KIAA1328: variants seen among roughly 807,000 people sequenced by gnomAD.
KIAA1328 encodes the protein protein hinderin.
A neutral mutation model predicts 68.1 loss-of-function variants in KIAA1328; 52 were observed. That is an observed-to-expected ratio of 0.76 (90% CI 0.61 to 0.96). The LOEUF is 0.96. KIAA1328 is among the 40% of genes least tolerant of loss of function. KIAA1328 has a pLI of 0.00. For synonymous variants in KIAA1328, 232 were observed against 239.4 expected (o/e 0.97, Z 0.28); for missense variants, 641 against 677.6 (o/e 0.95, Z 0.60).
intron 5 of KIAA1328, chr18:36,923,923 G>T (rs1350067873): frequency 6.6e-6 from 1 of 152,204 alleles, no homozygotes. Flanking sequence ...TTTGATGAGA[G>T]TGTAGGTTGC....
chr18:37,076,944 A>G (rs2056760563), intron 7 of KIAA1328, among the ~76,000 whole-genome samples: 2 of 152,300 alleles, frequency 1.3e-5, no homozygotes, highest in African/African-American at 4.8e-5. Flanking sequence ...AAACTATTCC[A>G]ATCAATAGAA....
intron 7 of KIAA1328, among the ~76,000 whole-genome samples, chr18:37,146,095 T>G (rs940571695): frequency 6.6e-5 from 10 of 152,044 alleles, no homozygotes; most frequent in Non-Finnish European, 1.5e-4. Context: ...TTTTTTTCGG[T>G]TTTTAAACTT....
intron 6 of KIAA1328, among the ~76,000 whole-genome samples, chr18:37,060,162 A>T (rs541328377): frequency 1.3e-5 from 2 of 152,242 alleles, no homozygotes; most frequent in African/African-American, 2.4e-5. Context: ...TATAATAATA[A>T]TAATAATAAT....
chr18:37,034,021 G>T (rs2054932895), intron 6 of KIAA1328, among the ~76,000 whole-genome samples: 1 of 151,928 alleles, frequency 6.6e-6, no homozygotes, highest in African/African-American at 2.4e-5. Flanking sequence ...TTTTCTCCTG[G>T]GTAGATAAGT....
chr18:37,202,451 T>C (rs1185619839), intron 9 of KIAA1328, among the ~76,000 whole-genome samples: 1 of 152,204 alleles, frequency 6.6e-6, no homozygotes, highest in Non-Finnish European at 1.5e-5. Flanking sequence ...CACAAACTTG[T>C]ATTCAAGAGT....
intron 7 of KIAA1328, among the ~76,000 whole-genome samples, chr18:37,135,761 C>T (rs571768180): frequency 3.5e-4 from 54 of 152,146 alleles, no homozygotes; most frequent in African/African-American, 9.6e-4. Flanking sequence ...TTCCCAAGGC[C>T]GATGTCCAGA....
intron 7 of KIAA1328, 145 bp from the exon 8 acceptor site, chr18:37,160,055 A>G (rs570251780): frequency 8.3e-6 from 5 of 603,496 alleles, no homozygotes; most frequent in Non-Finnish European, 1.3e-5. Flanking sequence ...GACGTTGAGT[A>G]AATTATTTAA....
chr18:36,966,492 A>G (rs1206425867), intron 6 of KIAA1328, among the ~76,000 whole-genome samples: 1 of 152,248 alleles, frequency 6.6e-6, no homozygotes, highest in Non-Finnish European at 1.5e-5. Context: ...GAGCTATATT[A>G]GAGTGAATTT....
At chr18:36,856,052 A>G (rs1014741013) in intron 4 of KIAA1328, among the ~76,000 whole-genome samples, 5 of 151,932 alleles carry the variant, frequency 3.3e-5, no homozygotes, top group South Asian at 2.1e-4. Context: ...GGAATTGACT[A>G]TCTTATTGAA....
intron 7 of KIAA1328, among the ~76,000 whole-genome samples, chr18:37,135,099 C>A (rs2058613647): frequency 6.6e-6 from 1 of 151,982 alleles, no homozygotes; most frequent in African/African-American, 2.4e-5. Context: ...TCCAGTATAC[C>A]ACTGATGGGC....
At chr18:37,008,399 T>G (rs1413557617) in intron 6 of KIAA1328, among the ~76,000 whole-genome samples, 1 of 152,230 alleles carries the variant, frequency 6.6e-6, no homozygotes, top group Non-Finnish European at 1.5e-5. Flanking sequence ...CTTGATTTTC[T>G]GCTAAAACAA....
At chr18:37,064,619 T>C (rs1422445760) in intron 6 of KIAA1328, among the ~76,000 whole-genome samples, 1 of 150,072 alleles carries the variant, frequency 6.7e-6, no homozygotes, top group Non-Finnish European at 1.5e-5. Flanking sequence ...CAAGAGACTT[T>C]GCAGATGTGA....
chr18:37,175,834 C>T (rs1030794777), intron 9 of KIAA1328, among the ~76,000 whole-genome samples: 2 of 152,110 alleles, frequency 1.3e-5, no homozygotes, highest in Non-Finnish European at 1.5e-5. Context: ...AAGCTCTTCC[C>T]CTGTCCACCT....
At chr18:36,989,479 A>C (rs1367869902) in intron 6 of KIAA1328, among the ~76,000 whole-genome samples, 1 of 152,158 alleles carries the variant, frequency 6.6e-6, no homozygotes, top group Non-Finnish European at 1.5e-5. Context: ...AGAGGAAGTA[A>C]CAGAAGCTCC....
At chr18:37,114,082 C>A (rs1357908542) in intron 7 of KIAA1328, among the ~76,000 whole-genome samples, 1 of 152,182 alleles carries the variant, frequency 6.6e-6, no homozygotes, top group Non-Finnish European at 1.5e-5. Flanking sequence ...AACCCACTGT[C>A]AACATTAGAC....
chr18:37,097,188 A>C (rs1311211063), intron 7 of KIAA1328, among the ~76,000 whole-genome samples: 2 of 152,194 alleles, frequency 1.3e-5, no homozygotes, highest in African/African-American at 4.8e-5. Context: ...GGTTTCTTCT[A>C]GGGTTCTTCT....
At chr18:37,081,661 A>G (rs773539255) in intron 7 of KIAA1328, among the ~76,000 whole-genome samples, 5 of 152,216 alleles carry the variant, frequency 3.3e-5, no homozygotes, top group African/African-American at 4.8e-5. Flanking sequence ...TATAATTTGG[A>G]ACCACTTCTC....
chr18:37,097,934 A>G (rs2057463907), intron 7 of KIAA1328, among the ~76,000 whole-genome samples: 1 of 152,268 alleles, frequency 6.6e-6, no homozygotes, highest in Middle Eastern at 3.4e-3. Flanking sequence ...GTATCCTGAG[A>G]CTTTGCTGAA....
At chr18:36,870,951 T>C (rs1209103319) in intron 4 of KIAA1328, among the ~76,000 whole-genome samples, 1 of 152,188 alleles carries the variant, frequency 6.6e-6, no homozygotes, top group Non-Finnish European at 1.5e-5. Context: ...CTGCCCACAT[T>C]TGGCCTCCAC....
Sources: gnomAD v4.1 joint callset for allele counts (sites outside exome capture counted in the v4.1 genomes callset) on GRCh38, gnomAD v4.1.1 for gene constraint, MANE v1.5 for transcripts, NCBI Gene and HGNC (gene_info 2026-07-23, HGNC 2026-07-21) for gene names.